The following CD44 variants were observed in gnomAD, a reference collection of about 807,000 sequenced individuals.
CD44 encodes CD44 molecule (IN blood group), also known as CD44 antigen.
In CD44, 49 loss-of-function variants were observed where a neutral mutation model predicts 88.8. The observed-to-expected ratio is 0.55, with a 90% CI of 0.44 to 0.70. The LOEUF (loss-of-function observed/expected upper bound fraction) is 0.70, where lower values mean the gene tolerates loss of function less well. CD44 is among the 30% of genes least tolerant of loss of function. CD44 has a pLI of 0.00. For missense variants in CD44, 883 were observed against 913.8 expected, an observed-to-expected ratio of 0.97 and a Z score of 0.43; for synonymous variants, 325 against 312.3, an observed-to-expected ratio of 1.04 and a Z score of -0.43.
At chr11:35,223,157 A>G in intron 17 of CD44, 2 of 985,442 alleles carry the variant, frequency 2.0e-6, no homozygotes, top group Non-Finnish European at 2.4e-6. Context: ...AACAAAACTG[A>G]GAGAAAAAAT....
Position 35,203,265 on chromosome 11 carries a change from TA to T in CD44, c.1154-1240del, listed in dbSNP as rs1388061275. 3.3e-5 allele frequency among the ~76,000 whole-genome samples: 5 copies of T among 152,018 alleles called. No homozygotes were observed. In the East Asian group the frequency reaches 5.8e-4, roughly 18 times the overall value. On this transcript the variant is annotated intron_variant, in intron 9 of 17. Transcript: ENST00000428726. Reference sequence around the variant, plus strand: ...AAAACAATTAAGAGTTATGGGTACTTAAAAAAATCATTATGTTTATAAAATT... The same window carrying T: ...AAAACAATTAAGAGTTATGGGTACTTAAAAAATCATTATGTTTATAAAATT...
At chr11:35,195,565 A>G (rs1369407407) in intron 5 of CD44, among the ~76,000 whole-genome samples, 4 of 151,916 alleles carry the variant, frequency 2.6e-5, no homozygotes, top group South Asian at 2.1e-4. Context: ...GGCTTTCTTG[A>G]TAGCTGAAAA....
chr11:35,139,612 C>CTGTTTGTT lies in CD44; in HGVS notation c.67+242_67+243insTGTTTGTT, dbSNP rs750048270. Reference sequence around the variant, plus strand: ...AGAAGAAAGTTTGTTGGGCAGGCTGCCGGCGCGCAGTTTTGGGCGAGGTCG... The same window carrying CTGTTTGTT: ...AGAAGAAAGTTTGTTGGGCAGGCTGCTGTTTGTTCGGCGCGCAGTTTTGGGCGAGGTCG... On this transcript the variant is annotated intron_variant, in intron 1 of 17. Coordinates refer to ENST00000428726, the MANE Select transcript of CD44 (RefSeq NM_000610.4). The CTGTTTGTT allele has an allele frequency of 2.0e-5, 15 of 743,644 alleles. No homozygotes were observed. The South Asian group carries it at 2.0e-4, about 10-fold the overall frequency. 46.1% of individuals were successfully genotyped at this position (743,644 alleles called of 1,614,324 possible). A position where few individuals can be genotyped will look rare whatever the true frequency, so the allele number is the denominator to read the frequency against.
At chr11:35,220,223 G>A (rs1949180274) in intron 16 of CD44, among the ~76,000 whole-genome samples, 1 of 152,174 alleles carries the variant, frequency 6.6e-6, no homozygotes, top group African/African-American at 2.4e-5. Context: ...TGTCCCAAGG[G>A]AGAGCACAGG....
intron 1 of CD44, among the ~76,000 whole-genome samples, chr11:35,171,747 G>C (rs948980186): frequency 3.9e-5 from 6 of 152,058 alleles, no homozygotes; most frequent in African/African-American, 1.4e-4. Flanking sequence ...AAGAACTGAG[G>C]GTCCTGGGAA....
At position 35,186,896 on chromosome 11, in the gene CD44, C is replaced by T. The variant is rs750517053; in HGVS notation, c.432C>T (p.Thr144=). 16 of 1,569,328 alleles carry T rather than the reference C, an allele frequency of 1.0e-5. No homozygotes were observed. The South Asian group carries it at 1.8e-4, about 17-fold the overall frequency. ...CCAATGCCTTTGATGGACCAATTACCATAAGTATGTCTCTCTTCTAATCTT... is the reference window on the plus strand; with the variant it reads ...CCAATGCCTTTGATGGACCAATTACTATAAGTATGTCTCTCTTCTAATCTT... ...DLPNAFDGPI[T]ITIVNRDGTR... is the part of the protein sequence containing the mutation. The change falls in exon 4 of 18, where the codon ACC becomes ACT. Residue 144 remains threonine (T), a synonymous_variant. Transcript: ENST00000428726.
chr11:35,219,442 G>A (rs376047144), intron 16 of CD44, 55 bp downstream of exon 16: 49 of 1,303,378 alleles, frequency 3.8e-5, no homozygotes, highest in East Asian at 7.0e-5. Context: ...TTCTCAGAAT[G>A]TCCCAGCAAG....
Position 35,139,389 on chromosome 11 carries a change from C to T in CD44, c.67+19C>T. ...CAGATCGGTGAGTGCCCGCCGCAGCCTGGGCAGCAAGATGGGTGCGGGGTG... is the reference window on the plus strand; with the variant it reads ...CAGATCGGTGAGTGCCCGCCGCAGCTTGGGCAGCAAGATGGGTGCGGGGTG... On this transcript the variant is annotated intron_variant, in intron 1 of 17. Transcript: ENST00000428726. 2 of 1,554,536 alleles carry T rather than the reference C, an allele frequency of 1.3e-6. No homozygotes were observed. The highest frequency in any genetic ancestry group is 2.4e-5 in the South Asian group (2 of 84,362).
intron 15 of CD44, among the ~76,000 whole-genome samples, chr11:35,217,492 G>T (rs759695108): frequency 6.6e-6 from 1 of 152,190 alleles, no homozygotes; most frequent in Non-Finnish European, 1.5e-5. Context: ...ACACTGGAAG[G>T]CATGTAGGGA....
chr11:35,220,446 G>A (rs1456879180), intron 16 of CD44, among the ~76,000 whole-genome samples: 1 of 152,160 alleles, frequency 6.6e-6, no homozygotes, highest in Non-Finnish European at 1.5e-5. Context: ...AGGTAGTGCT[G>A]AGCAGGAAAT....
At chr11:35,208,674 G>A (rs141686797) in intron 12 of CD44, among the ~76,000 whole-genome samples, 83 of 152,298 alleles carry the variant, frequency 5.4e-4, no homozygotes, top group Middle Eastern at 6.8e-3. Flanking sequence ...GGCAAGGCAT[G>A]TTATTGACAA....
At chr11:35,148,011 A>G (rs1460440981) in intron 1 of CD44, among the ~76,000 whole-genome samples, 3 of 152,070 alleles carry the variant, frequency 2.0e-5, no homozygotes, top group Non-Finnish European at 4.4e-5. Flanking sequence ...GAATCACTTG[A>G]ACCCGGGAGG....
chr11:35,179,734 C>A (rs1944809702), intron 2 of CD44, among the ~76,000 whole-genome samples: 1 of 152,064 alleles, frequency 6.6e-6, no homozygotes. Flanking sequence ...ATGTTTAGGG[C>A]AATGGAGTAT....
intron 1 of CD44, among the ~76,000 whole-genome samples, chr11:35,174,008 A>AATACATAC (rs142049506): frequency 6.6e-6 from 1 of 152,154 alleles, no homozygotes; most frequent in Non-Finnish European, 1.5e-5. Context: ...ACCCATAAAT[A>AATACATAC]ATACATACAT....
intron 1 of CD44, among the ~76,000 whole-genome samples, chr11:35,155,372 C>A (rs1228026184): frequency 6.6e-6 from 1 of 152,060 alleles, no homozygotes; most frequent in Admixed American, 6.5e-5. Flanking sequence ...CATTTACCTG[C>A]TAGAGTTGTG....
In CD44 at chr11:35,169,413, AACACACACAC is replaced by A. The variant is rs5791036; in HGVS notation, c.68-7142_68-7133del. 7.4e-5 allele frequency among the ~76,000 whole-genome samples: 11 copies of A among 149,074 alleles called. No homozygotes were observed. In the South Asian group the frequency reaches 1.9e-3, roughly 26 times the overall value. On this transcript the variant is annotated intron_variant, in intron 1 of 17. Transcript: ENST00000428726. ...AAAACCAGAGATGTTGCCCTACCTA[AACACACACAC>A]ACACACACACACACACACATCCATA...
chr11:35,228,739 T>C (rs1224171684), intron 17 of CD44, among the ~76,000 whole-genome samples: 1 of 152,152 alleles, frequency 6.6e-6, no homozygotes, highest in Non-Finnish European at 1.5e-5. Context: ...TAGTTGCTGG[T>C]TTGCAAACTT....
At chr11:35,171,522 G>T (rs1015405675) in intron 1 of CD44, among the ~76,000 whole-genome samples, 1 of 152,154 alleles carries the variant, frequency 6.6e-6, no homozygotes, top group African/African-American at 2.4e-5. Flanking sequence ...GGTTGAGTTT[G>T]TCTGTTTCAT....
chr11:35,184,721 C>G (rs2133812165), intron 3 of CD44, among the ~76,000 whole-genome samples: 1 of 152,268 alleles, frequency 6.6e-6, no homozygotes, highest in South Asian at 2.1e-4. Context: ...TTTATATGGT[C>G]TGGCATATAA....
Sources: gnomAD v4.1 joint callset for allele counts (sites outside exome capture counted in the v4.1 genomes callset) on GRCh38, gnomAD v4.1.1 for gene constraint, MANE v1.5 for transcripts, NCBI Gene and HGNC (gene_info 2026-07-23, HGNC 2026-07-21) for gene names.